KCTD8: variants seen among roughly 807,000 people sequenced by gnomAD.
KCTD8 encodes the protein potassium channel tetramerization domain containing 8.
Under a neutral mutation model 31.5 loss-of-function variants are expected in KCTD8, and 27 were observed. That is an observed-to-expected ratio of 0.86 (90% CI 0.63 to 1.18). The LOEUF is 1.18. KCTD8 is among the 50% of genes most tolerant of loss of function. The pLI is 0.00. For synonymous variants in KCTD8, 290 were observed against 280.0 expected (o/e 1.04, Z -0.36); for missense variants, 658 against 647.7 (o/e 1.02, Z -0.17).
intron 1 of KCTD8, among the ~76,000 whole-genome samples, chr4:44,438,484 G>A (rs1388183542): frequency 3.3e-5 from 5 of 152,110 alleles, no homozygotes; most frequent in Non-Finnish European, 5.9e-5. Context: ...AATTTCCATT[G>A]ACTATAAGTA....
rs1261009694 is a variant in KCTD8, at chr4:44,209,487, G to A, written c.962-34237C>T. Among the ~76,000 whole-genome samples, 5 of 150,890 alleles carry A rather than the reference G, an allele frequency of 3.3e-5. No individual in the cohort carries two copies. The Admixed American group carries it at 3.3e-4, about 10-fold the overall frequency. On this transcript the variant is annotated intron_variant, in intron 1 of 1. Coordinates refer to ENST00000360029, the MANE Select transcript of KCTD8 (RefSeq NM_198353.3). ...ATGTATAGAGATGAAGGTAGATATA[G>A]CTACACACATACACACACACACACA...
At chr4:44,364,426 G>A (rs1008265627) in intron 1 of KCTD8, among the ~76,000 whole-genome samples, 1 of 152,030 alleles carries the variant, frequency 6.6e-6, no homozygotes, top group Admixed American at 6.6e-5. Flanking sequence ...CAAAACACTG[G>A]CAAAACCTGA....
At chr4:44,366,958 T>A (rs1476154069) in intron 1 of KCTD8, among the ~76,000 whole-genome samples, 1 of 152,130 alleles carries the variant, frequency 6.6e-6, no homozygotes, top group Non-Finnish European at 1.5e-5. Flanking sequence ...GCTGTTATGG[T>A]AAAGATAAAA....
intron 1 of KCTD8, among the ~76,000 whole-genome samples, chr4:44,355,767 A>G (rs1011557585): frequency 6.6e-6 from 1 of 152,264 alleles, no homozygotes; most frequent in South Asian, 2.1e-4. Context: ...ATGATCAAGT[A>G]AGAAATCAAA....
intron 1 of KCTD8, among the ~76,000 whole-genome samples, chr4:44,216,116 C>A (rs773427338): frequency 1.1e-4 from 16 of 152,112 alleles, no homozygotes; most frequent in Non-Finnish European, 2.2e-4. Flanking sequence ...AGTGACAATT[C>A]TAAACGAGAG....
intron 1 of KCTD8, among the ~76,000 whole-genome samples, chr4:44,204,366 G>A (rs1053352051): frequency 2.8e-4 from 43 of 152,266 alleles, no homozygotes; most frequent in African/African-American, 1.0e-3. Context: ...CCTGGGCCTA[G>A]TAGTTAAAGA....
chr4:44,324,144 C>T (rs1718383544), intron 1 of KCTD8, among the ~76,000 whole-genome samples: 1 of 151,270 alleles, frequency 6.6e-6, no homozygotes, highest in African/African-American at 2.4e-5. Context: ...AAATAGAGGG[C>T]TAAATGAATT....
intron 1 of KCTD8, among the ~76,000 whole-genome samples, chr4:44,202,460 A>G (rs1424872278): frequency 6.6e-6 from 1 of 152,208 alleles, no homozygotes; most frequent in African/African-American, 2.4e-5. Flanking sequence ...AAAATGAACA[A>G]AATCGTATCC....
intron 1 of KCTD8, among the ~76,000 whole-genome samples, chr4:44,188,169 T>C (rs1347697866): frequency 6.6e-6 from 1 of 152,190 alleles, no homozygotes; most frequent in Admixed American, 6.5e-5. Flanking sequence ...TCCTCAGCCA[T>C]ATGCAACTTC....
rs576995217 is a variant in KCTD8, at chr4:44,387,939, G to T, written c.961+59624C>A. Among the ~76,000 whole-genome samples the T allele has an allele frequency of 5.3e-5, 8 of 151,654 alleles. No individual in the cohort carries two copies. In the South Asian group the frequency reaches 1.7e-3, roughly 31 times the overall value. On this transcript the variant is annotated intron_variant, in intron 1 of 1. Transcript: ENST00000360029. The stretch of plus-strand genomic sequence containing the variant: ...TGAGTAAAGAGATAGCCTACAGAAT[G>T]GGAGAAAATTTTCGCAAACTATGCA...
At chr4:44,197,368 A>G (rs1449513058) in intron 1 of KCTD8, among the ~76,000 whole-genome samples, 10 of 152,316 alleles carry the variant, frequency 6.6e-5, no homozygotes, top group Non-Finnish European at 1.5e-5. Flanking sequence ...AAGGAAATGC[A>G]GGAACAGCAA....
intron 1 of KCTD8, among the ~76,000 whole-genome samples, chr4:44,193,382 T>C (rs2109335756): frequency 6.6e-6 from 1 of 151,964 alleles, no homozygotes; most frequent in African/African-American, 2.4e-5. Context: ...TGTAGATCTG[T>C]CTGACTTTAG....
Position 44,448,012 on chromosome 4 carries a change from T to C in KCTD8, c.512A>G (p.Gln171Arg). 1 of 1,595,442 alleles carries C rather than the reference T, an allele frequency of 6.3e-7. No individual in the cohort carries two copies. The highest frequency in any genetic ancestry group is 8.5e-7 in the Non-Finnish European group (1 of 1,171,188). ...CAGCAGCAGCGCGTCGCTGCTACCC[T>C]GCGAGACGTTGTCCTCCAGGTCGCT... ...CQSDLEDNVS[Q>R]GSSDALLLRG... Residue 171 changes from glutamine (Q) to arginine (R), a missense_variant, in exon 1 of 2, where the codon CAG (glutamine) becomes CGG (arginine). Physicochemically the swap from Gln to Arg is conservative, Grantham distance 43. Transcript: ENST00000360029. This position sits in a 1 kb window ranked among gnomAD's most constrained non-coding sequence, Gnocchi z 4.1.
chr4:44,229,411 C>T (rs1487931042), intron 1 of KCTD8, among the ~76,000 whole-genome samples: 1 of 152,194 alleles, frequency 6.6e-6, no homozygotes, highest in Non-Finnish European at 1.5e-5. Flanking sequence ...CAGAGTATGA[C>T]CTTCCAGGGC....
At chr4:44,393,168 T>C (rs550727380) in intron 1 of KCTD8, among the ~76,000 whole-genome samples, 3 of 152,098 alleles carry the variant, frequency 2.0e-5, no homozygotes, top group Admixed American at 6.6e-5. Context: ...TGTGGCCTTA[T>C]AGAAGTGTGG....
intron 1 of KCTD8, among the ~76,000 whole-genome samples, chr4:44,378,238 A>AATAT (rs34144469): frequency 0.021 from 2,957 of 143,688 alleles, 67 homozygotes; most frequent in East Asian, 0.14. Flanking sequence ...TATATGTATA[A>AATAT]ATATATATAT....
At chr4:44,349,082 C>CACG (rs1719125590) in intron 1 of KCTD8, among the ~76,000 whole-genome samples, 1 of 132,230 alleles carries the variant, frequency 7.6e-6, no homozygotes, top group Non-Finnish European at 1.7e-5. Context: ...CCACCACCAC[C>CACG]ACCACCACCA....
At chr4:44,326,916 G>C (rs1223454654) in intron 1 of KCTD8, among the ~76,000 whole-genome samples, 5 of 151,688 alleles carry the variant, frequency 3.3e-5, no homozygotes, top group Non-Finnish European at 7.4e-5. Context: ...AACTAATCTT[G>C]TTATGTAAGA....
intron 1 of KCTD8, among the ~76,000 whole-genome samples, chr4:44,359,625 CTTAA>C (rs1460078264): frequency 2.0e-5 from 3 of 152,020 alleles, no homozygotes; most frequent in Non-Finnish European, 2.9e-5. Flanking sequence ...TTATTTATTT[CTTAA>C]TTATTTAACT....
Sources: gnomAD v4.1 joint callset for allele counts (sites outside exome capture counted in the v4.1 genomes callset) on GRCh38, gnomAD v4.1.1 for gene constraint, Gnocchi (gnomAD v3.1) non-coding constraint, MANE v1.5 for transcripts, NCBI Gene and HGNC (gene_info 2026-07-23, HGNC 2026-07-21) for gene names.